Variants in HAUS8 observed in about 807,000 individuals in gnomAD.
HAUS8 encodes HAUS augmin-like complex subunit 8.
Under a neutral mutation model 42.9 loss-of-function variants are expected in HAUS8, and 38 were observed. The ratio of observed to expected loss-of-function variants is 0.89; its 90% CI spans 0.68 to 1.16. The LOEUF is 1.16. HAUS8 is among the 50% of genes most tolerant of loss of function. The pLI, the probability that HAUS8 is intolerant of heterozygous loss-of-function variation, is 0.00. For missense variants in HAUS8, 494 were observed against 511.6 expected, an observed-to-expected ratio of 0.97 and a Z score of 0.33; for synonymous variants, 199 against 205.8, an observed-to-expected ratio of 0.97 and a Z score of 0.28.
intron 9 of HAUS8, among the ~76,000 whole-genome samples, 188 bp downstream of exon 9, chr19:17,055,673 A>G (rs1490613877): frequency 6.6e-6 from 1 of 152,150 alleles, no homozygotes; most frequent in Non-Finnish European, 1.5e-5. Flanking sequence ...CCCAAGGTTC[A>G]AATCCCAGTG....
intron 8 of HAUS8, 63 bp from the exon 9 acceptor site, chr19:17,056,065 G>A (rs2057324419): frequency 6.6e-7 from 1 of 1,507,224 alleles, no homozygotes; most frequent in Admixed American, 1.7e-5. Flanking sequence ...CTTAACAGAA[G>A]CTTAACGGCT....
intron 3 of HAUS8, among the ~76,000 whole-genome samples, chr19:17,065,656 C>T (rs201653408): frequency 2.6e-5 from 4 of 151,918 alleles, no homozygotes; most frequent in African/African-American, 4.8e-5. Flanking sequence ...GGAGAAACCC[C>T]GTCTCTACTA....
intron 2 of HAUS8, among the ~76,000 whole-genome samples, chr19:17,070,509 C>T (rs530400243): frequency 6.6e-6 from 1 of 152,324 alleles, no homozygotes; most frequent in South Asian, 2.1e-4. Flanking sequence ...TTCAGCCGCT[C>T]TGCCGCGTGG....
chr19:17,058,729 C>T lies in HAUS8; in HGVS notation c.487-22G>A, dbSNP rs746244086. On this transcript the variant is annotated intron_variant, in intron 7 of 10. Coordinates refer to ENST00000253669, the MANE Select transcript of HAUS8 (RefSeq NM_033417.2). ...CCATCTGTTAAATGTGAAAGAAAAG[C>T]TCAAGCAGGTGGGGACTCCCTCCCC... The T allele has an allele frequency of 8.1e-6, 13 of 1,603,780 alleles. No homozygotes were observed. The South Asian group carries it at 1.0e-4, about 12-fold the overall frequency.
chr19:17,069,452 G>A (rs923084265), intron 2 of HAUS8, among the ~76,000 whole-genome samples: 2 of 150,812 alleles, frequency 1.3e-5, no homozygotes, highest in Non-Finnish European at 3.0e-5. Context: ...CATCTCGTGT[G>A]ACCCCAATGG....
At chr19:17,069,309 G>C (rs1257755967) in intron 2 of HAUS8, among the ~76,000 whole-genome samples, 1 of 152,084 alleles carries the variant, frequency 6.6e-6, no homozygotes, top group African/African-American at 2.4e-5. Flanking sequence ...CATGTGTGGA[G>C]TCACAGAGTT....
rs780848139 is a variant in HAUS8 at position 17,050,045 on chromosome 19, C to T, written c.1061G>A (p.Cys354Tyr). Residue 354 changes from cysteine (C) to tyrosine (Y), a missense_variant, in exon 11 of 11, where the codon TGC (cysteine) becomes TAC (tyrosine). Transcript: ENST00000253669. ...SRWYFNQDSACRESGGAPKNT... is the reference protein window; with the variant it reads ...SRWYFNQDSAYRESGGAPKNT... ...CTTGGGTGCTCCCCCAGATTCTCTG[C>T]AGGCACTGTCTTGATTGAAATACCA... is the stretch of plus-strand genomic sequence containing the variant. 3.1e-6 allele frequency: 5 copies of T among 1,608,862 alleles called. No individual in the cohort carries two copies. The African/African-American group carries it at 6.7e-5, about 22-fold the overall frequency.
At chr19:17,068,333 C>T (rs967554838) in intron 3 of HAUS8, among the ~76,000 whole-genome samples, 2 of 151,968 alleles carry the variant, frequency 1.3e-5, no homozygotes, top group African/African-American at 4.8e-5. Context: ...AGGCTGGTCT[C>T]GAACTCCTAG....
chr19:17,067,669 CTG>C (rs1167563426), intron 3 of HAUS8, among the ~76,000 whole-genome samples: 2 of 152,154 alleles, frequency 1.3e-5, no homozygotes, highest in African/African-American at 2.4e-5. Flanking sequence ...GCGTGGAAGA[CTG>C]TGACCCTTTG....
In HAUS8 at chr19:17,050,220, G is replaced by T. The variant is rs148277749; in HGVS notation, c.930-44C>A. The T allele has an allele frequency of 8.6e-4, 1,220 of 1,423,458 alleles. 10 individuals are homozygous for T. The African/African-American group carries it at 0.017, about 19-fold the overall frequency. 88.2% of individuals were successfully genotyped at this position (1,423,458 alleles called of 1,614,324 possible). On this transcript the variant is annotated intron_variant, in intron 10 of 10. Coordinates refer to ENST00000253669, the MANE Select transcript of HAUS8 (RefSeq NM_033417.2). ...AGAATAACGGCTTTCACCCTCTGAG[G>T]TGAAGCGCATGTGTGTGGTGAACGG...
At chr19:17,050,665 G>A (rs758528262) in intron 10 of HAUS8, among the ~76,000 whole-genome samples, 11 of 152,150 alleles carry the variant, frequency 7.2e-5, no homozygotes, top group Non-Finnish European at 1.5e-4. Context: ...GGAGGCTGAG[G>A]CGGGCAGATC....
At chr19:17,061,693 C>T (rs1482842877) in intron 4 of HAUS8, among the ~76,000 whole-genome samples, 1 of 152,162 alleles carries the variant, frequency 6.6e-6, no homozygotes, top group Non-Finnish European at 1.5e-5. Context: ...CCTCCCTGGC[C>T]TCCACCCACC....
intron 8 of HAUS8, among the ~76,000 whole-genome samples, chr19:17,058,341 A>AC (rs796215055): frequency 1.4e-4 from 22 of 152,360 alleles, no homozygotes; most frequent in African/African-American, 5.3e-4. Context: ...CACCTCCCTT[A>AC]TTCATTCACA....
At chr19:17,057,830 G>T (rs145259544) in intron 8 of HAUS8, among the ~76,000 whole-genome samples, 1 of 152,168 alleles carries the variant, frequency 6.6e-6, no homozygotes, top group African/African-American at 2.4e-5. Context: ...TGATAGGGGG[G>T]TTGTAGGGGG....
Position 17,052,841 on chromosome 19 carries a change from C to T in HAUS8, c.913G>A (p.Asp305Asn). ...CCGAGGTACCTTCGGAGCTCAAGGT[C>T]CTTTTTCGCCGTCACGTCCTTGAGT... is the stretch of plus-strand genomic sequence containing the variant. Reference protein sequence around the residue: ...SELKDVTAKKDLELRRSFAQV... With the variant: ...SELKDVTAKKNLELRRSFAQV... Residue 305 changes from aspartate to asparagine, a missense_variant, in exon 10 of 11, where the codon GAC becomes AAC. Asp to Asn is a conservative substitution (Grantham distance 23). Transcript: ENST00000253669. The T allele has an allele frequency of 6.2e-7, 1 of 1,614,182 alleles. No individual in the cohort carries two copies. Among genetic ancestry groups the T allele is most frequent in the Non-Finnish European group, 8.5e-7 (1 of 1,180,046 alleles).
chr19:17,056,536 TACACACACACATACACACACACACAG>T (rs932389041), intron 8 of HAUS8, among the ~76,000 whole-genome samples: 1 of 151,986 alleles, frequency 6.6e-6, no homozygotes, highest in African/African-American at 2.4e-5. Flanking sequence ...AGCATCTATA[TACACACACACATACACACACACACAG>T]ACACACATAC....
At chr19:17,060,843 TGCTA>T (rs1205618092) in intron 4 of HAUS8, among the ~76,000 whole-genome samples, 2 of 152,222 alleles carry the variant, frequency 1.3e-5, no homozygotes, top group Non-Finnish European at 2.9e-5. Context: ...GCATACAGCA[TGCTA>T]CCACTACACA....
At chr19:17,068,099 C>CTTTT (rs889723027) in intron 3 of HAUS8, among the ~76,000 whole-genome samples, 53 of 93,478 alleles carry the variant, frequency 5.7e-4, no homozygotes, top group Non-Finnish European at 6.7e-4. Context: ...TTATTTTATT[C>CTTTT]TTTTTTTTTT....
chr19:17,075,201 A>C (rs2057461898), intron 1 of HAUS8, 193 bp downstream of exon 1: 1 of 622,326 alleles, frequency 1.6e-6, no homozygotes, highest in Non-Finnish European at 2.8e-6. Context: ...CGCGGAACTC[A>C]GGGCCGGTCG....
Sources: gnomAD v4.1 joint callset for allele counts (sites outside exome capture counted in the v4.1 genomes callset) on GRCh38, gnomAD v4.1.1 for gene constraint, MANE v1.5 for transcripts, NCBI Gene and HGNC (gene_info 2026-07-23, HGNC 2026-07-21) for gene names.